OCA2: variants seen among roughly 807,000 people sequenced by gnomAD.
OCA2 encodes the protein P protein.
OCA2 carries 77 observed loss-of-function variants against 100.2 expected under a neutral mutation model. The ratio of observed to expected loss-of-function variants is 0.77; its 90% CI spans 0.64 to 0.93. The LOEUF is 0.93. Ranked by LOEUF, OCA2 falls within the 40% of genes least tolerant of loss-of-function variation. The pLI is 0.00. For synonymous variants in OCA2, 432 were observed against 439.2 expected (o/e 0.98, Z 0.21); for missense variants, 1,062 against 1,089.1 (o/e 0.98, Z 0.35).
At chr15:27,918,205 T>C (rs2038736580) in intron 19 of OCA2, among the ~76,000 whole-genome samples, 1 of 150,700 alleles carries the variant, frequency 6.6e-6, no homozygotes, top group Non-Finnish European at 1.5e-5. Context: ...GTGATTCTCC[T>C]GTCTCAGCCT....
At chr15:28,068,015 G>A (rs886814241) in intron 2 of OCA2, among the ~76,000 whole-genome samples, 4 of 152,236 alleles carry the variant, frequency 2.6e-5, no homozygotes, top group East Asian at 1.9e-4. Context: ...GGTGCTACAC[G>A]GTTGGGTGCA....
At position 27,824,602 on chromosome 15, in the gene OCA2, C is replaced by CTCTCTCTCTCTCTA; in HGVS notation, c.2432+20356_2432+20357insTAGAGAGAGAGAGA. Among the ~76,000 whole-genome samples, 16 of 47,596 alleles carry CTCTCTCTCTCTCTA rather than the reference C, an allele frequency of 3.4e-4. 1 individual carries two copies. Among genetic ancestry groups the CTCTCTCTCTCTCTA allele is most frequent in the South Asian group, 1.5e-3 (1 of 652 alleles). The allele number at this position is 47,596 out of a possible 152,430, so 31.2% of individuals were successfully genotyped here. On this transcript the variant is annotated intron_variant, in intron 23 of 23. Coordinates refer to ENST00000354638, the MANE Select transcript of OCA2 (RefSeq NM_000275.3). ...TTTCTCTCTCTCTCTCTCTCTCTCT[C>CTCTCTCTCTCTCTA]TATATATATATATATATATAATATA... is the stretch of plus-strand genomic sequence containing the variant.
intron 2 of OCA2, among the ~76,000 whole-genome samples, chr15:28,068,065 T>A (rs781727962): frequency 5.3e-5 from 8 of 152,216 alleles, no homozygotes; most frequent in Non-Finnish European, 1.2e-4. Context: ...TTGGATTGTA[T>A]CCTTACTATG....
chr15:27,940,220 A>C (rs1364653134), intron 18 of OCA2, among the ~76,000 whole-genome samples: 3 of 152,372 alleles, frequency 2.0e-5, no homozygotes, highest in Middle Eastern at 3.4e-3. Flanking sequence ...ATAAAACATC[A>C]TATCATGTAA....
intron 18 of OCA2, among the ~76,000 whole-genome samples, chr15:27,948,046 C>T (rs1255128166): frequency 6.6e-6 from 1 of 152,216 alleles, no homozygotes; most frequent in Non-Finnish European, 1.5e-5. Flanking sequence ...CTTGCTTCTA[C>T]TAATGAACCA....
chr15:27,984,647 G>A (rs911145099), intron 13 of OCA2, among the ~76,000 whole-genome samples: 5 of 152,144 alleles, frequency 3.3e-5, no homozygotes, highest in East Asian at 1.9e-4. Context: ...TGCAACCTCC[G>A]CCTCCCGGGT....
chr15:27,765,154 G>A (rs569408867), intron 23 of OCA2, among the ~76,000 whole-genome samples: 4 of 152,178 alleles, frequency 2.6e-5, no homozygotes, highest in South Asian at 2.1e-4. Context: ...CAGGTCTCAC[G>A]GACGCAGGCC....
At chr15:27,757,625 GA>G (rs2030489916) in intron 23 of OCA2, among the ~76,000 whole-genome samples, 1 of 152,200 alleles carries the variant, frequency 6.6e-6, no homozygotes, top group African/African-American at 2.4e-5. Flanking sequence ...CATCACCTTG[GA>G]AAAGTATTAA....
chr15:28,075,397 GC>G (rs2044399262), intron 2 of OCA2, among the ~76,000 whole-genome samples: 1 of 152,108 alleles, frequency 6.6e-6, no homozygotes, highest in Non-Finnish European at 1.5e-5. Flanking sequence ...TATTAAAATG[GC>G]TAAAATTAAA....
At position 27,957,925 on chromosome 15, in the gene OCA2, T is replaced by C. The variant is rs1442503350; in HGVS notation, c.1637-190A>G. Among the ~76,000 whole-genome samples the C allele has an allele frequency of 6.6e-6, 1 of 152,108 alleles. No homozygotes were observed. Among genetic ancestry groups the C allele is most frequent in the Non-Finnish European group, 1.5e-5 (1 of 68,038 alleles). On this transcript the variant is annotated intron_variant, in intron 15 of 23. Transcript: ENST00000354638. This position sits in a 1 kb window ranked among gnomAD's most constrained non-coding sequence, Gnocchi z 4.3. ...TGGAGCCCAGACGACAAAGCCGACA[T>C]TTAAAAATTATCACAAATTGCAAGG...
At chr15:27,898,494 C>T (rs1301861783) in intron 19 of OCA2, among the ~76,000 whole-genome samples, 1 of 152,206 alleles carries the variant, frequency 6.6e-6, no homozygotes, top group East Asian at 1.9e-4. Context: ...ATGTGACTTG[C>T]TTCTCCTCGT....
In OCA2 at chr15:27,983,391, T is replaced by C. The variant is rs748606976; in HGVS notation, c.1457A>G (p.Asp486Gly). The change falls in exon 14 of 24, where the codon GAC (aspartate) becomes GGC (glycine). Residue 486 changes from aspartate (D) to glycine (G), a missense_variant. Coordinates refer to ENST00000354638, the MANE Select transcript of OCA2 (RefSeq NM_000275.3). ...NIGGAATAIGDPPNVIIVSNQ... is the reference protein window; with the variant it reads ...NIGGAATAIGGPPNVIIVSNQ... Reference sequence around the variant, plus strand: ...GGAAACAATAATGACATTTGGAGGGTCCCCGATGGCAGTGGCAGCTCCTCC... The same window carrying C: ...GGAAACAATAATGACATTTGGAGGGCCCCCGATGGCAGTGGCAGCTCCTCC... The C allele has an allele frequency of 6.2e-7, 1 of 1,613,980 alleles. No individual in the cohort carries two copies. Among genetic ancestry groups the C allele is most frequent in the Admixed American group, 1.7e-5 (1 of 59,974 alleles).
chr15:27,799,861 C>T (rs1254234053), intron 23 of OCA2, among the ~76,000 whole-genome samples: 1 of 152,040 alleles, frequency 6.6e-6, no homozygotes, highest in Non-Finnish European at 1.5e-5. Context: ...CCAACGAAGA[C>T]CCCACACCAG....
intron 15 of OCA2, among the ~76,000 whole-genome samples, chr15:27,958,004 G>A (rs2040287665): frequency 2.0e-5 from 3 of 152,148 alleles, no homozygotes; most frequent in Admixed American, 2.0e-4. Flanking sequence ...TGAACAATGA[G>A]AACACTTGGA....
chr15:27,846,772 G>C (rs982333324), intron 22 of OCA2, among the ~76,000 whole-genome samples: 1 of 152,182 alleles, frequency 6.6e-6, no homozygotes, highest in South Asian at 2.1e-4. Context: ...GAAAGGAATG[G>C]GGAGGAGGAA....
chr15:27,729,961 C>A, the OCA2 span, among the ~76,000 whole-genome samples: 1 of 152,302 alleles, frequency 6.6e-6, no homozygotes, highest in East Asian at 1.9e-4. Flanking sequence ...CCAACACCAA[C>A]AAATTATTTA....
chr15:27,726,142 C>T, the OCA2 span, among the ~76,000 whole-genome samples: 3,229 of 151,562 alleles, frequency 0.021, 114 homozygotes, highest in African/African-American at 0.074. Flanking sequence ...ACCAAAAATA[C>T]AAAAAAATAG....
At chr15:27,760,251 A>C (rs2030725782) in intron 23 of OCA2, among the ~76,000 whole-genome samples, 1 of 152,030 alleles carries the variant, frequency 6.6e-6, no homozygotes, top group African/African-American at 2.4e-5. Context: ...TGTTACCTCA[A>C]CCCTATAAAG....
chr15:27,861,376 C>G (rs957031089), intron 21 of OCA2, among the ~76,000 whole-genome samples: 1 of 152,056 alleles, frequency 6.6e-6, no homozygotes, highest in African/African-American at 2.4e-5. Flanking sequence ...GGTGGACAAC[C>G]GGGGCTAGGC....
Sources: allele counts gnomAD v4.1 joint callset (sites outside exome capture counted in the v4.1 genomes callset), GRCh38; gene constraint gnomAD v4.1.1; non-coding constraint Gnocchi (gnomAD v3.1); transcripts MANE v1.5; gene names NCBI Gene and HGNC (gene_info 2026-07-23, HGNC 2026-07-21).